The following PTPN13 variants were observed in gnomAD, a reference collection of about 807,000 sequenced individuals.
PTPN13 encodes the protein protein tyrosine phosphatase non-receptor type 13.
Under a neutral mutation model 284.0 loss-of-function variants are expected in PTPN13, and 191 were observed. The observed-to-expected ratio is 0.67, with a 90% confidence interval of 0.60 to 0.76. The LOEUF (loss-of-function observed/expected upper bound fraction) is 0.76, where lower values mean the gene tolerates loss of function less well. Among genes scored for constraint, PTPN13 ranks in the 30% least tolerant of loss-of-function variants. The pLI, the probability that PTPN13 is intolerant of heterozygous loss-of-function variation, is 0.00. For synonymous variants in PTPN13, 986 were observed against 1,022.3 expected, an observed-to-expected ratio of 0.96 and a Z score of 0.68; for missense variants, 2,797 against 2,939.9, an observed-to-expected ratio of 0.95 and a Z score of 1.12.
At chr4:86,657,064 AC>A (rs2148831560) in intron 2 of PTPN13, among the ~76,000 whole-genome samples, 1 of 152,150 alleles carries the variant, frequency 6.6e-6, no homozygotes, top group South Asian at 2.1e-4. Flanking sequence ...GTTTGCTAAG[AC>A]CGTTGGAAAA....
chr4:86,754,503 A>G (rs1390885720), intron 20 of PTPN13, among the ~76,000 whole-genome samples: 1 of 151,902 alleles, frequency 6.6e-6, no homozygotes, highest in Non-Finnish European at 1.5e-5. Context: ...ATTTTTTTTC[A>G]CACGTAAGAA....
At chr4:86,780,379 A>C (rs768782826) in intron 35 of PTPN13, 23 bp from the exon 36 acceptor site, 1 of 1,591,392 alleles carries the variant, frequency 6.3e-7, no homozygotes, top group Admixed American at 1.7e-5. Context: ...GACAATTTAC[A>C]GTTGTCTTTT....
intron 12 of PTPN13, among the ~76,000 whole-genome samples, chr4:86,733,728 T>C (rs1735201060): frequency 6.6e-6 from 1 of 152,134 alleles, no homozygotes; most frequent in Non-Finnish European, 1.5e-5. Context: ...CCTAATTTCT[T>C]ACAGATTCTG....
At chr4:86,599,094 T>C (rs1379728685) in intron 1 of PTPN13, among the ~76,000 whole-genome samples, 1 of 152,146 alleles carries the variant, frequency 6.6e-6, no homozygotes, top group African/African-American at 2.4e-5. Flanking sequence ...TGCCCCGGCC[T>C]CAACTCAGAC....
chr4:86,751,105 TG>T lies in PTPN13; in HGVS notation c.3150del (p.Gln1051LysfsTer5). 1 of 1,599,340 alleles carries T rather than the reference TG, an allele frequency of 6.3e-7. No individual in the cohort carries two copies. The highest frequency in any genetic ancestry group is 8.6e-7 in the Non-Finnish European group (1 of 1,167,068). On this transcript the variant is annotated frameshift_variant, in exon 19 of 48. Coordinates refer to ENST00000411767, the MANE Select transcript of PTPN13 (RefSeq NM_080683.3). LOFTEE classifies it high-confidence loss of function. ...CAGACTCCTCATCCATTGAAGACCCTGGGCAAGCATATGTTCTAGGTCAGCA... is the reference window on the plus strand; with the variant it reads ...CAGACTCCTCATCCATTGAAGACCCTGGCAAGCATATGTTCTAGGTCAGCA... ...ESDSSSIEDP[G>X]QAYVLGMTMH...
chr4:86,594,849 C>T (rs1763451942), intron 1 of PTPN13, 60 bp downstream of exon 1: 1 of 152,380 alleles, frequency 6.6e-6, no homozygotes, highest in Admixed American at 6.5e-5. Flanking sequence ...AAACAAAGTA[C>T]ATTGCGCTCG....
At position 86,771,489 on chromosome 4, in the gene PTPN13, T is replaced by A; in HGVS notation, c.5122T>A (p.Phe1708Ile). The A allele has an allele frequency of 3.8e-6, 6 of 1,568,822 alleles. No individual in the cohort carries two copies. Among genetic ancestry groups the A allele is most frequent in the Non-Finnish European group, 5.2e-6 (6 of 1,154,628 alleles). The change falls in exon 31 of 48, where the codon TTT (phenylalanine) becomes ATT (isoleucine). Residue 1708 changes from phenylalanine (F) to isoleucine (I), a missense_variant. Physicochemically the swap from Phe to Ile is conservative, Grantham distance 21. Transcript: ENST00000411767. ...KSQEDTICTM[F>I]YYPQKIPNKP... is the part of the protein sequence containing the mutation. ...TCAAGAAGATACCATTTGTACCATG[T>A]TTTACTATCCTCAGAAAATTCCCAA...
chr4:86,714,563 T>C (rs1031923921), intron 7 of PTPN13, among the ~76,000 whole-genome samples: 11 of 152,230 alleles, frequency 7.2e-5, no homozygotes, highest in African/African-American at 2.4e-4. Context: ...TTTTTTAACC[T>C]CTTTTTGCTT....
chr4:86,696,638 A>G (rs1730625362), intron 6 of PTPN13, among the ~76,000 whole-genome samples: 2 of 152,002 alleles, frequency 1.3e-5, no homozygotes, highest in South Asian at 4.1e-4. Flanking sequence ...ACAGATAAGG[A>G]AGCGTTGACT....
At chr4:86,683,087 A>T (rs1371505210) in intron 3 of PTPN13, among the ~76,000 whole-genome samples, 1 of 152,256 alleles carries the variant, frequency 6.6e-6, no homozygotes, top group East Asian at 1.9e-4. Context: ...CTCTATAGAG[A>T]TATTTCATAC....
At chr4:86,733,116 A>G (rs1369388327) in intron 12 of PTPN13, among the ~76,000 whole-genome samples, 1 of 152,118 alleles carries the variant, frequency 6.6e-6, no homozygotes, top group Non-Finnish European at 1.5e-5. Flanking sequence ...GCAAGACCTT[A>G]TTTCTGAATT....
intron 7 of PTPN13, among the ~76,000 whole-genome samples, chr4:86,712,765 G>T (rs1396207895): frequency 2.6e-5 from 4 of 152,036 alleles, no homozygotes; most frequent in Non-Finnish European, 5.9e-5. Flanking sequence ...TTCATGAAGA[G>T]AAAATGATTT....
chr4:86,775,480 G>A lies in PTPN13; in HGVS notation c.5719G>A (p.Val1907Met). 1.2e-6 allele frequency: 2 copies of A among 1,609,324 alleles called. No individual in the cohort carries two copies. The highest frequency in any genetic ancestry group is 1.7e-6 in the Non-Finnish European group (2 of 1,175,756). ...TGGAGGTCATGACAGCCTTTATCAA[G>A]TGGTATATATTAGTGATATTAATCC... ...LCGGHDSLYQVVYISDINPRS... is the reference protein window; with the variant it reads ...LCGGHDSLYQMVYISDINPRS... The change falls in exon 35 of 48, where the codon GTG (valine) becomes ATG (methionine). Residue 1907 changes from valine to methionine, a missense_variant. By Grantham distance (21) the Val-to-Met change is conservative. Transcript: ENST00000411767.
At chr4:86,635,191 T>A in intron 1 of PTPN13, 61 bp from the exon 2 acceptor site, 1 of 1,531,734 alleles carries the variant, frequency 6.5e-7, no homozygotes, top group Non-Finnish European at 8.8e-7. Context: ...GTAGAGCTTT[T>A]ACTACTGCAA....
At chr4:86,697,694 C>A (rs536344540) in intron 6 of PTPN13, among the ~76,000 whole-genome samples, 1 of 152,216 alleles carries the variant, frequency 6.6e-6, no homozygotes, top group East Asian at 1.9e-4. Flanking sequence ...TCTTTTGAAA[C>A]GCACTTGGAC....
At chr4:86,800,295 G>A (rs1743866996) in intron 42 of PTPN13, among the ~76,000 whole-genome samples, 1 of 151,494 alleles carries the variant, frequency 6.6e-6, no homozygotes, top group Non-Finnish European at 1.5e-5. Context: ...ATCAGGAAGT[G>A]TCACTATAAT....
rs550351642 is a variant in PTPN13, at chr4:86,683,693, CA to C, written c.295-3014del. 2.6e-3 allele frequency among the ~76,000 whole-genome samples: 402 copies of C among 152,190 alleles called. 2 individuals are homozygous for C. The highest frequency in any genetic ancestry group is 9.2e-3 in the African/African-American group (382 of 41,516). ...TTATATGATATATATAGGTGATCAGCAAATGTACAATTTTATAACCTAGTTT... is the reference window on the plus strand; with the variant it reads ...TTATATGATATATATAGGTGATCAGCAATGTACAATTTTATAACCTAGTTT... On this transcript the variant is annotated intron_variant, in intron 3 of 47. Transcript: ENST00000411767.
At chr4:86,778,844 A>T (rs1186150002) in intron 35 of PTPN13, among the ~76,000 whole-genome samples, 3 of 152,044 alleles carry the variant, frequency 2.0e-5, no homozygotes, top group African/African-American at 7.2e-5. Context: ...TTTTTACCTC[A>T]GCACCTTGCT....
chr4:86,777,456 C>T (rs936647678), intron 35 of PTPN13, among the ~76,000 whole-genome samples: 1 of 152,080 alleles, frequency 6.6e-6, no homozygotes, highest in African/African-American at 2.4e-5. Flanking sequence ...CCCAGATAAT[C>T]CAAAATAACC....
Sources: allele counts gnomAD v4.1 joint callset (sites outside exome capture counted in the v4.1 genomes callset), GRCh38; gene constraint gnomAD v4.1.1; transcripts MANE v1.5; gene names NCBI Gene and HGNC (gene_info 2026-07-23, HGNC 2026-07-21).